Variants in UBAP2 observed in about 807,000 individuals in gnomAD.
The protein encoded by UBAP2 is ubiquitin-associated protein 2.
Under a neutral mutation model 139.6 loss-of-function variants are expected in UBAP2, and 75 were observed. That is an observed-to-expected ratio of 0.54 (90% CI 0.45 to 0.65). UBAP2 has a LOEUF of 0.65. Ranked by LOEUF, UBAP2 falls within the 30% of genes least tolerant of loss-of-function variation. The probability of loss-of-function intolerance (pLI) is 0.00; values close to 1 mark genes in which losing one functional copy is unlikely to be tolerated. For missense variants in UBAP2, 1,368 were observed against 1,369.6 expected (o/e 1.00, Z 0.02); for synonymous variants, 526 against 526.2 (o/e 1.00, Z 0.01).
At chr9:33,999,853 C>CGTACGTAT in intron 2 of UBAP2, among the ~76,000 whole-genome samples, 1 of 138,272 alleles carries the variant, frequency 7.2e-6, no homozygotes, top group Admixed American at 7.5e-5. Context: ...GGGATTACTA[C>CGTACGTAT]GTATGTATGT....
At chr9:33,999,455 G>C (rs140050352) in intron 2 of UBAP2, among the ~76,000 whole-genome samples, 171 of 152,206 alleles carry the variant, frequency 1.1e-3, no homozygotes, top group African/African-American at 3.8e-3. Context: ...TGTCAAAAAA[G>C]CTCTGTTGTC....
intron 1 of UBAP2, among the ~76,000 whole-genome samples, chr9:34,031,303 G>A (rs1825869677): frequency 6.6e-6 from 1 of 151,212 alleles, no homozygotes; most frequent in African/African-American, 2.4e-5. Flanking sequence ...AGGCCAGCTT[G>A]GCCAACATGG....
upstream of UBAP2, chr9:34,048,898 A>AAGCGGC (rs1587717336): frequency 6.6e-6 from 1 of 152,096 alleles, no homozygotes; most frequent in Non-Finnish European, 1.5e-5. Flanking sequence ...GCCTCTTACA[A>AAGCGGC]AGCGGCGGCG....
chr9:34,016,056 A>G (rs984841429), intron 2 of UBAP2, among the ~76,000 whole-genome samples: 2 of 152,086 alleles, frequency 1.3e-5, no homozygotes, highest in Non-Finnish European at 2.9e-5. Context: ...TTCATATTTC[A>G]TTCCAAGGAC....
At chr9:33,962,353 A>G (rs559703184) in intron 9 of UBAP2, among the ~76,000 whole-genome samples, 12 of 152,324 alleles carry the variant, frequency 7.9e-5, no homozygotes, top group African/African-American at 2.6e-4. Context: ...AGACATATTA[A>G]AAGTTTAAAA....
At chr9:34,023,494 T>G (rs1033072650) in intron 1 of UBAP2, among the ~76,000 whole-genome samples, 6 of 152,202 alleles carry the variant, frequency 3.9e-5, no homozygotes, top group Non-Finnish European at 8.8e-5. Context: ...TATTAAAATT[T>G]TACTGGTCCA....
chr9:33,944,603 C>T lies in UBAP2; in HGVS notation c.1307G>A (p.Ser436Asn), dbSNP rs1203508430. 1 of 1,614,010 alleles carries T rather than the reference C, an allele frequency of 6.2e-7. No homozygotes were observed. The highest frequency in any genetic ancestry group is 1.3e-5 in the African/African-American group (1 of 74,998). ...GTGCTGTTGTCGCTGGCTCAACTGGCTAAGAACTGGGGATGGCTCAGGTTG... is the reference window on the plus strand; with the variant it reads ...GTGCTGTTGTCGCTGGCTCAACTGGTTAAGAACTGGGGATGGCTCAGGTTG... ...KSQPEPSPVL[S>N]QLSQRQQHQS... The change falls in exon 14 of 29, where the codon AGC becomes AAC. Residue 436 changes from serine to asparagine, a missense_variant. Physicochemically the swap from Ser to Asn is conservative, Grantham distance 46. Coordinates refer to ENST00000379238, the MANE Select transcript of UBAP2 (RefSeq NM_001370062.2).
At chr9:33,933,361 G>A (rs111988134) in intron 18 of UBAP2, 129 bp downstream of exon 18, 38 of 1,115,030 alleles carry the variant, frequency 3.4e-5, no homozygotes, top group South Asian at 1.9e-4. Flanking sequence ...AGCTACAGTC[G>A]TAATGCAAAA....
At chr9:34,024,089 T>G (rs559738434) in intron 1 of UBAP2, among the ~76,000 whole-genome samples, 2 of 151,580 alleles carry the variant, frequency 1.3e-5, no homozygotes, top group Non-Finnish European at 2.9e-5. Flanking sequence ...ATGGGCGCGG[T>G]GGCACACGCC....
At chr9:33,972,998 C>T (rs1232679562) in intron 7 of UBAP2, among the ~76,000 whole-genome samples, 185 bp downstream of exon 7, 2 of 152,192 alleles carry the variant, frequency 1.3e-5, no homozygotes, top group African/African-American at 4.8e-5. Context: ...GCTAGAAACC[C>T]TGCTCTAATG....
intron 1 of UBAP2, among the ~76,000 whole-genome samples, chr9:34,035,514 A>AAAAAAAATATATATATATAT: frequency 2.2e-4 from 5 of 22,486 alleles, no homozygotes; most frequent in Non-Finnish European, 3.9e-4. Context: ...AAAAAAAAAA[A>AAAAAAAATATATATATATAT]ATATATATAT....
rs563360641 is a variant in UBAP2, at chr9:33,988,899, C to T, written c.442+74G>A. On this transcript the variant is annotated intron_variant, in intron 5 of 28. Transcript: ENST00000379238. The stretch of plus-strand genomic sequence containing the variant: ...GTGACTCATGCCTGTAATCCCAAAA[C>T]TTTGGGAGGCTGAGGCGGGAGGGTC... The T allele has an allele frequency of 1.3e-4, 192 of 1,517,962 alleles. 1 individual carries two copies. In the African/African-American group the frequency reaches 2.4e-3, roughly 19 times the overall value. 94.0% of individuals were successfully genotyped at this position (1,517,962 alleles called of 1,614,324 possible). A position where few individuals can be genotyped will look rare whatever the true frequency, so the allele number is the denominator to read the frequency against.
intron 2 of UBAP2, among the ~76,000 whole-genome samples, chr9:34,009,781 A>G (rs1432505199): frequency 6.6e-6 from 1 of 151,684 alleles, no homozygotes; most frequent in Non-Finnish European, 1.5e-5. Context: ...CATGTAACAA[A>G]TGAAAAATAA....
chr9:34,024,016 T>G (rs1240872779), intron 1 of UBAP2, among the ~76,000 whole-genome samples: 1 of 135,282 alleles, frequency 7.4e-6, no homozygotes, highest in African/African-American at 2.8e-5. Context: ...TGCACTCCAG[T>G]CCGGGTGACA....
chr9:33,962,184 T>TA (rs1445099162), intron 9 of UBAP2, among the ~76,000 whole-genome samples: 1 of 152,160 alleles, frequency 6.6e-6, no homozygotes, highest in Non-Finnish European at 1.5e-5. Flanking sequence ...AAAACCTACA[T>TA]AAAAAATATT....
intron 1 of UBAP2, among the ~76,000 whole-genome samples, chr9:34,040,370 G>C (rs1166517892): frequency 6.7e-6 from 1 of 149,476 alleles, no homozygotes; most frequent in Non-Finnish European, 1.5e-5. Flanking sequence ...AAACACACAG[G>C]CCAGCCAACT....
chr9:34,041,659 C>T (rs1482027795), intron 1 of UBAP2, among the ~76,000 whole-genome samples: 3 of 151,996 alleles, frequency 2.0e-5, no homozygotes, highest in African/African-American at 4.8e-5. Flanking sequence ...AAGCCGAGAT[C>T]GTGCCACTGG....
chr9:34,032,841 T>C (rs948930020), intron 1 of UBAP2, among the ~76,000 whole-genome samples: 1 of 151,566 alleles, frequency 6.6e-6, no homozygotes, highest in Non-Finnish European at 1.5e-5. Context: ...CGAGAATCAC[T>C]TGAACCTAGG....
intron 9 of UBAP2, among the ~76,000 whole-genome samples, chr9:33,961,714 T>C (rs1014969894): frequency 6.6e-6 from 1 of 152,308 alleles, no homozygotes; most frequent in East Asian, 1.9e-4. Flanking sequence ...GTTAATCATC[T>C]GACAAACAAA....
Sources: gnomAD v4.1 joint callset for allele counts (sites outside exome capture counted in the v4.1 genomes callset) on GRCh38, gnomAD v4.1.1 for gene constraint, MANE v1.5 for transcripts, NCBI Gene and HGNC (gene_info 2026-07-23, HGNC 2026-07-21) for gene names.